FGFR3: variants seen among roughly 807,000 people sequenced by gnomAD.
The protein encoded by FGFR3 is fibroblast growth factor receptor 3, also known as FGFR-3.
Under a neutral mutation model 82.9 loss-of-function variants are expected in FGFR3, and 25 were observed. The ratio of observed to expected loss-of-function variants is 0.30; its 90% confidence interval spans 0.22 to 0.42. The LOEUF is 0.42. FGFR3 is among the 10% of genes least tolerant of loss of function. The probability of loss-of-function intolerance (pLI) is 1.00; values close to 1 mark genes in which losing one functional copy is unlikely to be tolerated. For missense variants in FGFR3, 1,026 were observed against 1,161.0 expected, an observed-to-expected ratio of 0.88 and a Z score of 1.69; for synonymous variants, 620 against 516.0, an observed-to-expected ratio of 1.20 and a Z score of -2.73.
At chr4:1,803,129 C>G in intron 7 of FGFR3, 2 of 1,435,226 alleles carry the variant, frequency 1.4e-6, no homozygotes, top group Non-Finnish European at 1.8e-6. Flanking sequence ...GCCGCGCGCC[C>G]TGCACGCCCC....
At chr4:1,803,617 C>G in intron 7 of FGFR3, 75 bp from the exon 8 acceptor site, 2 of 1,567,362 alleles carry the variant, frequency 1.3e-6, no homozygotes, top group Non-Finnish European at 1.7e-6. Flanking sequence ...GCGGCTGGAT[C>G]CTGCCGTGTG....
intron 10 of FGFR3, 64 bp downstream of exon 10, chr4:1,805,033 C>T (rs1297417409): frequency 2.7e-5 from 41 of 1,496,992 alleles, no homozygotes; most frequent in Non-Finnish European, 3.7e-5. Context: ...AAACAGCCAC[C>T]AGTCAGAGGC....
chr4:1,807,455 C>G lies in FGFR3; in HGVS notation c.*193C>G, dbSNP rs766564331. 3 of 876,450 alleles carry G rather than the reference C, an allele frequency of 3.4e-6. No individual in the cohort carries two copies. Among genetic ancestry groups the G allele is most frequent in the African/African-American group, 1.7e-5 (1 of 60,486 alleles). The allele number at this position is 876,450 out of a possible 1,614,324, so 54.3% of individuals were successfully genotyped here. A position where few individuals can be genotyped will look rare whatever the true frequency, so the allele number is the denominator to read the frequency against. On this transcript the variant is annotated 3_prime_UTR_variant, in exon 18 of 18. Coordinates refer to ENST00000440486, the MANE Select transcript of FGFR3 (RefSeq NM_000142.5). ...TGTGCCTGTGTGCGTGCGCATCTTG[C>G]CTCCAGGTGCAGAGGTACCCTGGGT...
At chr4:1,798,388 C>T (rs1185099264) in intron 2 of FGFR3, among the ~76,000 whole-genome samples, 1 of 152,120 alleles carries the variant, frequency 6.6e-6, no homozygotes, top group Non-Finnish European at 1.5e-5. Flanking sequence ...CTGGGCCTCC[C>T]CACTCCCCGG....
At chr4:1,794,664 G>A (rs1720255671) in intron 2 of FGFR3, among the ~76,000 whole-genome samples, 1 of 152,154 alleles carries the variant, frequency 6.6e-6, no homozygotes, top group Non-Finnish European at 1.5e-5. Flanking sequence ...CTGGGCTGGC[G>A]GTCCAGGTCC....
At chr4:1,803,581 T>G (rs2108792477) in intron 7 of FGFR3, 111 bp from the exon 8 acceptor site, 1 of 1,511,890 alleles carries the variant, frequency 6.6e-7, no homozygotes, top group Non-Finnish European at 8.9e-7. Flanking sequence ...GGCTGAGGAG[T>G]TGGTGGTGGC....
rs2108821472 is a variant in FGFR3, at chr4:1,807,721, G to A, written c.*459G>A. On this transcript the variant is annotated 3_prime_UTR_variant, in exon 18 of 18. Coordinates refer to ENST00000440486, the MANE Select transcript of FGFR3 (RefSeq NM_000142.5). ...GGAAGCCCCACATGTCCAGCACCTT[G>A]TGCCTGGGGTGTTAGTGGCACCGCC... 1 of 608,382 alleles carries A rather than the reference G, an allele frequency of 1.6e-6. No individual in the cohort carries two copies. The highest frequency in any genetic ancestry group is 3.3e-5 in the East Asian group (1 of 30,080). The allele number at this position is 608,382 out of a possible 1,614,324, so 37.7% of individuals were successfully genotyped here.
rs17883686 is a variant in FGFR3, at chr4:1,797,768, G to T, written c.110-1486G>T. On this transcript the variant is annotated intron_variant, in intron 2 of 17. Coordinates refer to ENST00000440486, the MANE Select transcript of FGFR3 (RefSeq NM_000142.5). The stretch of plus-strand genomic sequence containing the variant: ...GTCCTTGAGCTGTGGGTCCCGGTGG[G>T]GCGAGGGCTCCTTCGGATGCTTCAG... Among the ~76,000 whole-genome samples the T allele has an allele frequency of 4.6e-3, 703 of 152,302 alleles. 2 individuals are homozygous for T. The highest frequency in any genetic ancestry group is 7.6e-3 in the Non-Finnish European group (516 of 68,008).
At chr4:1,798,354 C>T (rs3135860) in intron 2 of FGFR3, among the ~76,000 whole-genome samples, 198 of 152,208 alleles carry the variant, frequency 1.3e-3, no homozygotes, top group Non-Finnish European at 2.2e-3. Flanking sequence ...AGGACTCCAC[C>T]CCCCGGCCCC....
rs1164523862 is a variant in FGFR3 at position 1,804,346 on chromosome 4, G to A, written c.1092G>A (p.Val364=). Residue 364 remains valine (V), a synonymous_variant, in exon 9 of 18, where the codon GTG becomes GTA. Coordinates refer to ENST00000440486, the MANE Select transcript of FGFR3 (RefSeq NM_000142.5). Reference sequence around the variant, plus strand: ...TCTTTGCAGCCGAGGAGGAGCTGGTGGAGGCTGACGAGGCGGGCAGTGTGT... The same window carrying A: ...TCTTTGCAGCCGAGGAGGAGCTGGTAGAGGCTGACGAGGCGGGCAGTGTGT... ...LVVLPAEEEL[V]EADEAGSVYA... 1.2e-6 allele frequency: 2 copies of A among 1,609,686 alleles called. No homozygotes were observed. Among genetic ancestry groups the A allele is most frequent in the South Asian group, 1.1e-5 (1 of 90,642 alleles).
chr4:1,804,596 G>T, intron 9 of FGFR3, 76 bp downstream of exon 9: 1 of 1,575,606 alleles, frequency 6.3e-7, no homozygotes, highest in Non-Finnish European at 8.7e-7. Flanking sequence ...GCCCACGCTG[G>T]TCCTGGGCTG....
chr4:1,801,721 G>A lies in FGFR3; in HGVS notation c.717G>A (p.Gln239=). Residue 239 remains glutamine, a synonymous_variant, in exon 6 of 18, where the codon CAG becomes CAA. Coordinates refer to ENST00000440486, the MANE Select transcript of FGFR3 (RefSeq NM_000142.5). ...AGAACAAGTTTGGCAGCATCCGGCAGACGTACACGCTGGACGTGCTGGGTG... is the reference window on the plus strand; with the variant it reads ...AGAACAAGTTTGGCAGCATCCGGCAAACGTACACGCTGGACGTGCTGGGTG... The part of the protein sequence containing the change: ...VVENKFGSIR[Q]TYTLDVLERS... The A allele has an allele frequency of 6.2e-7, 1 of 1,608,562 alleles. No homozygotes were observed. Among genetic ancestry groups the A allele is most frequent in the Non-Finnish European group, 8.5e-7 (1 of 1,178,556 alleles).
At chr4:1,799,919 C>T in intron 4 of FGFR3, 107 bp downstream of exon 4, 2 of 1,262,738 alleles carry the variant, frequency 1.6e-6, no homozygotes, top group Non-Finnish European at 2.2e-6. Flanking sequence ...GAACAACCTC[C>T]CTGGGGTCAC....
chr4:1,795,565 A>T (rs1443251918), intron 2 of FGFR3, among the ~76,000 whole-genome samples: 2 of 152,228 alleles, frequency 1.3e-5, no homozygotes, highest in Non-Finnish European at 2.9e-5. Flanking sequence ...AAATGGACTG[A>T]GGTCTAGGCT....
In FGFR3 at chr4:1,807,003, C is replaced by T. The variant is rs544022826; in HGVS notation, c.2274+69C>T. ...CCCCTGCCGTCCCCGGCCATCCTGC[C>T]CCCCAGAGTGCTGAGGTGTGGGGCG... is the stretch of plus-strand genomic sequence containing the variant. On this transcript the variant is annotated intron_variant, in intron 17 of 17. Transcript: ENST00000440486. The T allele has an allele frequency of 3.2e-6, 5 of 1,554,132 alleles. No individual in the cohort carries two copies. In the Admixed American group the frequency reaches 5.8e-5, roughly 18 times the overall value.
rs1722160781 is a variant in FGFR3 at position 1,807,849 on chromosome 4, C to T, written c.*587C>T. On this transcript the variant is annotated 3_prime_UTR_variant, in exon 18 of 18. Coordinates refer to ENST00000440486, the MANE Select transcript of FGFR3 (RefSeq NM_000142.5). ...TTACCTTTTATGCAAAAGGTTTATT[C>T]CGGAAACTAGTGTACATTTCTATAA... 2 of 433,780 alleles carry T rather than the reference C, an allele frequency of 4.6e-6. No homozygotes were observed. Among genetic ancestry groups the T allele is most frequent in the Non-Finnish European group, 8.8e-6 (2 of 228,192 alleles). 26.9% of individuals were successfully genotyped at this position (433,780 alleles called of 1,614,324 possible).
rs17878375 is a variant in FGFR3 at position 1,801,544 on chromosome 4, C to G, written c.615+8C>G. 7,360 of 1,575,472 alleles carry G rather than the reference C, an allele frequency of 4.7e-3. 258 individuals carry two copies. The African/African-American group carries it at 0.082, about 18-fold the overall frequency. On this transcript the variant is annotated splice_region_variant and intron_variant, in intron 5 of 17. Coordinates refer to ENST00000440486, the MANE Select transcript of FGFR3 (RefSeq NM_000142.5). ...CGCATTGGAGGCATCAAGGTGGGCG[C>G]GGCGGGGTGGCTCTGGGCCTGGCAG...
chr4:1,794,096 G>A (rs1577253904), intron 2 of FGFR3, 53 bp downstream of exon 2: 2 of 1,123,554 alleles, frequency 1.8e-6, no homozygotes, highest in Non-Finnish European at 1.2e-6. Context: ...GGGCAGAGGC[G>A]TTGGGGACGG....
In FGFR3 at chr4:1,806,096, G is replaced by A. The variant is rs1453271838; in HGVS notation, c.1882G>A (p.Asp628Asn). 3 of 1,613,588 alleles carry A rather than the reference G, an allele frequency of 1.9e-6. No individual in the cohort carries two copies. Among genetic ancestry groups the A allele is most frequent in the Middle Eastern group, 1.6e-4 (1 of 6,084 alleles). Reference protein sequence around the residue: ...LAARNVLVTEDNVMKIADFGL... With the variant: ...LAARNVLVTENNVMKIADFGL... ...TGCCCGCAATGTGCTGGTGACCGAG[G>A]ACAACGTGATGAAGATCGCAGACTT... The change falls in exon 14 of 18, where the codon GAC (aspartate) becomes AAC (asparagine). Residue 628 changes from aspartate to asparagine, a missense_variant. By Grantham distance (23) the Asp-to-Asn change is conservative. Transcript: ENST00000440486.
Sources: gnomAD v4.1 joint callset for allele counts (sites outside exome capture counted in the v4.1 genomes callset) on GRCh38, gnomAD v4.1.1 for gene constraint, MANE v1.5 for transcripts, NCBI Gene and HGNC (gene_info 2026-07-23, HGNC 2026-07-21) for gene names.